The following FBLN5 variants were observed in gnomAD, a reference collection of about 807,000 sequenced individuals.
FBLN5 encodes fibulin-5.
Under a neutral mutation model 61.6 loss-of-function variants are expected in FBLN5, and 24 were observed. That is an observed-to-expected ratio of 0.39 (90% confidence interval 0.28 to 0.55). FBLN5 has a LOEUF of 0.55. Ranked by LOEUF, FBLN5 falls within the 20% of genes least tolerant of loss-of-function variation. FBLN5 has a pLI of 0.65. For missense variants in FBLN5, 470 were observed against 594.1 expected, an observed-to-expected ratio of 0.79 and a Z score of 2.17; for synonymous variants, 213 against 219.8, an observed-to-expected ratio of 0.97 and a Z score of 0.27.
At chr14:91,885,022 G>C (rs1224600367) in intron 7 of FBLN5, among the ~76,000 whole-genome samples, 2 of 152,184 alleles carry the variant, frequency 1.3e-5, no homozygotes, top group Non-Finnish European at 2.9e-5. Context: ...GAGAGACAAG[G>C]CTAGGAGGGG....
intron 3 of FBLN5, 132 bp from the exon 4 acceptor site, chr14:91,937,333 G>A (rs10139177): frequency 1.7e-5 from 20 of 1,158,372 alleles, no homozygotes; most frequent in South Asian, 1.3e-4. Context: ...AACTCATCGC[G>A]GTAAGGTACC....
At position 91,877,905 on chromosome 14, in the gene FBLN5, T is replaced by G. The variant is rs10147178; in HGVS notation, c.990-223A>C. The G allele has an allele frequency of 0.15, 93,718 of 638,630 alleles. 7,843 individuals are homozygous for G. Among genetic ancestry groups the G allele is most frequent in the East Asian group, 0.27 (8,547 of 32,110 alleles). 39.6% of individuals were successfully genotyped at this position (638,630 alleles called of 1,614,324 possible). On this transcript the variant is annotated intron_variant, in intron 9 of 10. Coordinates refer to ENST00000342058, the MANE Select transcript of FBLN5 (RefSeq NM_006329.4). ...GACTTTTCTCACCAACCAGATGTTC[T>G]GGCTACTAAATAGAATACAAACCTT...
intron 4 of FBLN5, among the ~76,000 whole-genome samples, chr14:91,914,840 G>A (rs1299670021): frequency 6.7e-6 from 1 of 149,962 alleles, no homozygotes; most frequent in Admixed American, 6.6e-5. Flanking sequence ...GTTTTGTTTT[G>A]TTTTGTTTTT....
chr14:91,913,903 G>A, intron 4 of FBLN5, among the ~76,000 whole-genome samples: 1 of 152,044 alleles, frequency 6.6e-6, no homozygotes, highest in South Asian at 2.1e-4. Context: ...GTGATTACAG[G>A]GAAAATTAAA....
chr14:91,938,659 A>G (rs994177760), intron 3 of FBLN5, among the ~76,000 whole-genome samples: 6 of 152,110 alleles, frequency 3.9e-5, no homozygotes, highest in African/African-American at 1.2e-4. Flanking sequence ...TAGGGTACAG[A>G]CAGGGGAGGC....
chr14:91,929,991 T>C (rs930952158), intron 4 of FBLN5, among the ~76,000 whole-genome samples: 4 of 152,210 alleles, frequency 2.6e-5, no homozygotes, highest in African/African-American at 9.6e-5. Context: ...CCCCAACTCC[T>C]ACTGCTGAAA....
At position 91,943,299 on chromosome 14, in the gene FBLN5, A is replaced by G. The variant is rs568041318; in HGVS notation, c.18-338T>C. 6.6e-6 allele frequency among the ~76,000 whole-genome samples: 1 copy of G among 152,046 alleles called. No homozygotes were observed. The highest frequency in any genetic ancestry group is 1.5e-5 in the Non-Finnish European group (1 of 68,008). ...TGAGGCAAGAGGATTGCTTGAACCCAGGAGTTTGAGACAAGCCTGGGCAAC... is the reference window on the plus strand; with the variant it reads ...TGAGGCAAGAGGATTGCTTGAACCCGGGAGTTTGAGACAAGCCTGGGCAAC... On this transcript the variant is annotated intron_variant, in intron 1 of 10. Transcript: ENST00000342058. This position sits in a 1 kb window ranked among gnomAD's most constrained non-coding sequence, Gnocchi z 4.0.
chr14:91,883,661 A>AAAAAAAAAT, intron 7 of FBLN5, among the ~76,000 whole-genome samples: 1 of 150,830 alleles, frequency 6.6e-6, no homozygotes, highest in Non-Finnish European at 1.5e-5. Context: ...AAAAAACAAA[A>AAAAAAAAAT]AAAACACACA....
chr14:91,886,979 G>T (rs1053788939), intron 7 of FBLN5, among the ~76,000 whole-genome samples: 1 of 152,104 alleles, frequency 6.6e-6, no homozygotes, highest in Non-Finnish European at 1.5e-5. Context: ...TGCATCAAGG[G>T]TCAGATGACA....
chr14:91,885,754 G>A (rs1889700081), intron 7 of FBLN5, among the ~76,000 whole-genome samples: 1 of 152,148 alleles, frequency 6.6e-6, no homozygotes, highest in African/African-American at 2.4e-5. Context: ...CTATGCAGTA[G>A]GGCAATAAAC....
At chr14:91,920,110 C>A (rs2055708515) in intron 4 of FBLN5, among the ~76,000 whole-genome samples, 1 of 152,208 alleles carries the variant, frequency 6.6e-6, no homozygotes, top group South Asian at 2.1e-4. Context: ...TGCTGGAATG[C>A]AATCCTGGCA....
chr14:91,922,326 AT>A (rs2055751695), intron 4 of FBLN5, among the ~76,000 whole-genome samples: 2 of 148,086 alleles, frequency 1.4e-5, no homozygotes, highest in Non-Finnish European at 1.5e-5. Context: ...AAATAAATAA[AT>A]AAATAAATAA....
At position 91,881,363 on chromosome 14, in the gene FBLN5, G is replaced by A; in HGVS notation, c.918C>T (p.Tyr306=). ...TGCATTTGAAGCCCCCTTGTAAATT[G>A]TAGCACGTCTGCTGCAGGTTGCACG... is the stretch of plus-strand genomic sequence containing the variant. The part of the protein sequence containing the change: ...NHTCNLQQTC[Y]NLQGGFKCID... Residue 306 remains tyrosine, a synonymous_variant, in exon 9 of 11, where the codon TAC becomes TAT. Transcript: ENST00000342058. 3 of 1,614,142 alleles carry A rather than the reference G, an allele frequency of 1.9e-6. No homozygotes were observed. The Admixed American group carries it at 5.0e-5, about 27-fold the overall frequency.
chr14:91,947,531 C>T lies in FBLN5; in HGVS notation c.-302G>A. 1.9e-6 allele frequency: 1 copy of T among 529,112 alleles called. No homozygotes were observed. The highest frequency in any genetic ancestry group is 3.4e-6 in the Non-Finnish European group (1 of 293,650). 32.8% of individuals were successfully genotyped at this position (529,112 alleles called of 1,614,324 possible). Reference sequence around the variant, plus strand: ...CATTTTCTAAGTATGTTAAACAATGCAAATGGGGCCTCAGTCTGGACACAG... The same window carrying T: ...CATTTTCTAAGTATGTTAAACAATGTAAATGGGGCCTCAGTCTGGACACAG... On this transcript the variant is annotated 5_prime_UTR_variant, in exon 1 of 11. Transcript: ENST00000342058. This position sits in a 1 kb window ranked among gnomAD's most constrained non-coding sequence, Gnocchi z 4.3.
intron 2 of FBLN5, 50 bp downstream of exon 2, chr14:91,942,857 C>T: frequency 8.0e-7 from 1 of 1,248,386 alleles, no homozygotes; most frequent in East Asian, 2.5e-5. Context: ...GACTCCCTCA[C>T]CCCGGATTTT....
intron 4 of FBLN5, among the ~76,000 whole-genome samples, chr14:91,909,568 C>T (rs1229781754): frequency 6.6e-6 from 1 of 152,098 alleles, no homozygotes; most frequent in Admixed American, 6.5e-5. Flanking sequence ...TAGATAAAGT[C>T]ATCAGGATGG....
chr14:91,870,193 A>G lies in FBLN5; in HGVS notation c.*31T>C. 6.2e-7 allele frequency: 1 copy of G among 1,609,132 alleles called. No individual in the cohort carries two copies. Among genetic ancestry groups the G allele is most frequent in the Non-Finnish European group, 8.5e-7 (1 of 1,175,450 alleles). ...CTTCTCCTGTCCCTTGGTGCCAATGAGAGGCAGCGTCGGAGGCTCCAGCCC... is the reference window on the plus strand; with the variant it reads ...CTTCTCCTGTCCCTTGGTGCCAATGGGAGGCAGCGTCGGAGGCTCCAGCCC... On this transcript the variant is annotated 3_prime_UTR_variant, in exon 11 of 11. Coordinates refer to ENST00000342058, the MANE Select transcript of FBLN5 (RefSeq NM_006329.4).
At chr14:91,904,613 G>A (rs572096766) in intron 4 of FBLN5, among the ~76,000 whole-genome samples, 3 of 152,340 alleles carry the variant, frequency 2.0e-5, no homozygotes, top group African/African-American at 7.2e-5. Context: ...GGAAGTCCAG[G>A]GTCAGGTAAG....
chr14:91,933,925 C>T (rs1182923328), intron 4 of FBLN5, among the ~76,000 whole-genome samples: 1 of 152,052 alleles, frequency 6.6e-6, no homozygotes, highest in Non-Finnish European at 1.5e-5. Context: ...GCCTGGGCAA[C>T]ATGGCAAAAC....
Sources: allele counts gnomAD v4.1 joint callset (sites outside exome capture counted in the v4.1 genomes callset), GRCh38; gene constraint gnomAD v4.1.1; non-coding constraint Gnocchi (gnomAD v3.1); transcripts MANE v1.5; gene names NCBI Gene and HGNC (gene_info 2026-07-23, HGNC 2026-07-21).